DET1: variants seen among roughly 807,000 people sequenced by gnomAD.
The protein encoded by DET1 is DET1 partner of COP1 E3 ubiquitin ligase, also known as DET1 homolog.
Under a neutral mutation model 43.7 loss-of-function variants are expected in DET1, and 22 were observed. That is an observed-to-expected ratio of 0.50 (90% CI 0.36 to 0.72). DET1 has a LOEUF of 0.72. Ranked by LOEUF, DET1 falls within the 30% of genes least tolerant of loss-of-function variation. DET1 has a pLI of 0.00. For missense variants in DET1, 713 were observed against 713.3 expected, an observed-to-expected ratio of 1.00 and a Z score of 0.00; for synonymous variants, 315 against 266.2, an observed-to-expected ratio of 1.18 and a Z score of -1.79.
chr15:88,538,085 T>C (rs2056998879), intron 1 of DET1, among the ~76,000 whole-genome samples: 1 of 152,182 alleles, frequency 6.6e-6, no homozygotes. Context: ...TGGTAGGCAT[T>C]TGGTACTTTA....
downstream of DET1, among the ~76,000 whole-genome samples, chr15:88,507,986 C>T (rs545992580): frequency 1.1e-4 from 16 of 152,284 alleles, no homozygotes; most frequent in South Asian, 8.3e-4. Context: ...GTCAGATTAG[C>T]GGCGGCATTA....
At chr15:88,520,747 C>G (rs1461787706) in intron 3 of DET1, among the ~76,000 whole-genome samples, 1 of 152,184 alleles carries the variant, frequency 6.6e-6, no homozygotes, top group Non-Finnish European at 1.5e-5. Flanking sequence ...TGATCCAAGC[C>G]ACCACTGTTA....
intron 7 of DET1, chr15:88,505,131 C>T (rs1009899957): frequency 6.6e-6 from 1 of 152,174 alleles, no homozygotes; most frequent in African/African-American, 2.4e-5. Context: ...TTAATCAGCT[C>T]CTGTTCAAAG....
Position 88,504,948 on chromosome 15 carries a change from T to C in DET1, c.*2066-961A>G, listed in dbSNP as rs2056124613. ...GACCTATGCGTATAACAAATTTCTT[T>C]CTTCATGACAGTCATTTCGCGTGTG... On this transcript the variant is annotated intron_variant and NMD_transcript_variant, in intron 7 of 8. Transcript: ENST00000557842. This position sits in a 1 kb window ranked among gnomAD's most constrained non-coding sequence, Gnocchi z 4.7. 6.6e-6 allele frequency: 1 copy of C among 152,222 alleles called. No homozygotes were observed. Among genetic ancestry groups the C allele is most frequent in the Admixed American group, 6.5e-5 (1 of 15,282 alleles). The allele number at this position is 152,222 out of a possible 1,614,324, so 9.4% of individuals were successfully genotyped here. A position where few individuals can be genotyped will look rare whatever the true frequency, so the allele number is the denominator to read the frequency against.
chr15:88,507,337 A>C (rs923847466), intron 7 of DET1, among the ~76,000 whole-genome samples: 1 of 152,186 alleles, frequency 6.6e-6, no homozygotes, highest in Non-Finnish European at 1.5e-5. Flanking sequence ...CTAAAACTAC[A>C]CTGATTTACA....
chr15:88,545,025 G>C (rs914341949), intron 1 of DET1, among the ~76,000 whole-genome samples: 1 of 152,114 alleles, frequency 6.6e-6, no homozygotes, highest in African/African-American at 2.4e-5. Flanking sequence ...TTTTACCTCT[G>C]TCCTGGGAAT....
intron 1 of DET1, among the ~76,000 whole-genome samples, chr15:88,545,782 CCAGA>C (rs1410814530): frequency 6.6e-6 from 1 of 151,712 alleles, no homozygotes; most frequent in Non-Finnish European, 1.5e-5. Flanking sequence ...GCTAAGAGAG[CCAGA>C]CAGACTCCAT....
In DET1 at chr15:88,516,866, TA is replaced by T; in HGVS notation, c.1378del (p.Tyr460IlefsTer122). The T allele has an allele frequency of 6.2e-7, 1 of 1,611,104 alleles. No individual in the cohort carries two copies. Among genetic ancestry groups the T allele is most frequent in the Non-Finnish European group, 8.5e-7 (1 of 1,178,764 alleles). ...ATAACTGAAGAGAGACAAATCCAGATAGGGGCTACCGCTGTAAGACTGAGCA... is the reference window on the plus strand; with the variant it reads ...ATAACTGAAGAGAGACAAATCCAGATGGGGCTACCGCTGTAAGACTGAGCA... Reference protein sequence around the residue: ...ISAQSYSGSPYLDLSLFSYDD... With the variant: ...ISAQSYSGSPXLDLSLFSYDD... On this transcript the variant is annotated frameshift_variant, in exon 4 of 5. Transcript: ENST00000268148. LOFTEE classifies it high-confidence loss of function. The surrounding 1 kb of genome is among the most constrained non-coding windows in gnomAD (Gnocchi z 4.4).
intron 4 of DET1, among the ~76,000 whole-genome samples, chr15:88,515,565 A>AAAAAAAAAAAAAAAC (rs2056323120): frequency 6.7e-6 from 1 of 149,610 alleles, no homozygotes; most frequent in Admixed American, 6.6e-5. Flanking sequence ...AAAAAAAAAA[A>AAAAAAAAAAAAAAAC]AAAGACCGAA....
intron 1 of DET1, among the ~76,000 whole-genome samples, chr15:88,544,556 C>T (rs181416994): frequency 3.3e-5 from 5 of 152,328 alleles, no homozygotes; most frequent in African/African-American, 4.8e-5. Context: ...TCCTGCCATT[C>T]GTTCCAGCCA....
At chr15:88,545,390 A>G (rs2057223856) in intron 1 of DET1, among the ~76,000 whole-genome samples, 1 of 152,154 alleles carries the variant, frequency 6.6e-6, no homozygotes, top group Non-Finnish European at 1.5e-5. Flanking sequence ...GACAAAGTTG[A>G]TTTAACTGTT....
intron 4 of DET1, among the ~76,000 whole-genome samples, chr15:88,515,076 T>C (rs911875078): frequency 1.3e-5 from 2 of 152,114 alleles, no homozygotes; most frequent in Admixed American, 6.5e-5. Flanking sequence ...ACCTTCTAAA[T>C]CTCATTCCCG....
chr15:88,543,422 A>T (rs9920066), intron 1 of DET1, among the ~76,000 whole-genome samples: 102,440 of 152,064 alleles, frequency 0.67, 34,643 homozygotes, highest in South Asian at 0.82. Context: ...GAGTTGTTGA[A>T]TCAGCCTCGT....
rs55764530 is a variant in DET1 at position 88,522,512 on chromosome 15, G to GTTTTTTTTTTTTTTTTTTTTTTTTTT, written c.1271+5086_1271+5087insAAAAAAAAAAAAAAAAAAAAAAAAAA. Among the ~76,000 whole-genome samples the GTTTTTTTTTTTTTTTTTTTTTTTTTT allele has an allele frequency of 5.6e-4, 45 of 80,294 alleles. 9 individuals are homozygous for GTTTTTTTTTTTTTTTTTTTTTTTTTT. The highest frequency in any genetic ancestry group is 8.6e-4 in the Non-Finnish European group (38 of 43,940). 52.7% of individuals were successfully genotyped at this position (80,294 alleles called of 152,430 possible). On this transcript the variant is annotated intron_variant, in intron 3 of 4. Coordinates refer to ENST00000268148, the MANE Select transcript of DET1 (RefSeq NM_001144074.3). ...TCTCATTGTTCTAGGAATGTTCCTG[G>GTTTTTTTTTTTTTTTTTTTTTTTTTT]TTTTTTTTTTTTTTTGAGTTGGAGT...
In DET1 at chr15:88,531,759, T is replaced by C. The variant is rs756935563; in HGVS notation, c.-10-44A>G. The C allele has an allele frequency of 5.2e-6, 8 of 1,525,824 alleles. No homozygotes were observed. Among genetic ancestry groups the C allele is most frequent in the African/African-American group, 1.4e-5 (1 of 72,038 alleles). The allele number at this position is 1,525,824 out of a possible 1,614,324, so 94.5% of individuals were successfully genotyped here. A position where few individuals can be genotyped will look rare whatever the true frequency, so the allele number is the denominator to read the frequency against. On this transcript the variant is annotated intron_variant, in intron 1 of 4. Coordinates refer to ENST00000268148, the MANE Select transcript of DET1 (RefSeq NM_001144074.3). The surrounding 1 kb of genome is among the most constrained non-coding windows in gnomAD (Gnocchi z 6.2). Reference sequence around the variant, plus strand: ...CAGAAGTCAAGAAAGTGAAACAGAATTTACCAAAATATAAATATATACAAG... The same window carrying C: ...CAGAAGTCAAGAAAGTGAAACAGAACTTACCAAAATATAAATATATACAAG...
intron 1 of DET1, among the ~76,000 whole-genome samples, chr15:88,545,008 T>A (rs1054260522): frequency 2.6e-5 from 4 of 152,112 alleles, no homozygotes; most frequent in Non-Finnish European, 1.5e-5. Context: ...AACTCCAAAA[T>A]GTTGACTTTT....
At chr15:88,545,329 C>G (rs1251348662) in intron 1 of DET1, among the ~76,000 whole-genome samples, 3 of 152,236 alleles carry the variant, frequency 2.0e-5, no homozygotes, top group African/African-American at 7.2e-5. Flanking sequence ...CCCACCCAAG[C>G]CAATCGGGCC....
At chr15:88,523,629 C>T (rs1426109758) in intron 3 of DET1, among the ~76,000 whole-genome samples, 3 of 152,294 alleles carry the variant, frequency 2.0e-5, no homozygotes, top group South Asian at 2.1e-4. Flanking sequence ...TTGGCAGAGA[C>T]GGGGTTTTGC....
At chr15:88,517,262 G>C (rs1006988670) in intron 3 of DET1, among the ~76,000 whole-genome samples, 2 of 101,676 alleles carry the variant, frequency 2.0e-5, no homozygotes, top group Non-Finnish European at 3.8e-5. Flanking sequence ...GTCTCGCTTT[G>C]TTGCCCAGGC....
Sources: gnomAD v4.1 joint callset for allele counts (sites outside exome capture counted in the v4.1 genomes callset) on GRCh38, gnomAD v4.1.1 for gene constraint, Gnocchi (gnomAD v3.1) non-coding constraint, MANE v1.5 for transcripts, NCBI Gene and HGNC (gene_info 2026-07-23, HGNC 2026-07-21) for gene names.